IQCH: variants seen among roughly 807,000 people sequenced by gnomAD.
The protein encoded by IQCH is IQ domain-containing protein H.
In IQCH, 98 loss-of-function variants were observed where a neutral mutation model predicts 117.0. That is an observed-to-expected ratio of 0.84 (90% CI 0.71 to 0.99). IQCH has a LOEUF of 0.99. IQCH is among the 50% of genes least tolerant of loss of function. The pLI is 0.00. For missense variants in IQCH, 1,102 were observed against 1,243.8 expected, an observed-to-expected ratio of 0.89 and a Z score of 1.72; for synonymous variants, 412 against 448.2, an observed-to-expected ratio of 0.92 and a Z score of 1.02.
At chr15:67,333,121 A>G (rs1358583856) in intron 4 of IQCH, among the ~76,000 whole-genome samples, 1 of 152,124 alleles carries the variant, frequency 6.6e-6, no homozygotes, top group East Asian at 1.9e-4. Flanking sequence ...ATTCATGACG[A>G]TTCCATCCTC....
intron 4 of IQCH, among the ~76,000 whole-genome samples, chr15:67,291,685 C>T (rs1370979074): frequency 6.6e-6 from 1 of 151,996 alleles, no homozygotes; most frequent in Non-Finnish European, 1.5e-5. Context: ...GGCAAAGGTT[C>T]CTTCAGAAAT....
intron 2 of IQCH, among the ~76,000 whole-genome samples, 158 bp from the exon 3 acceptor site, chr15:67,262,964 G>A (rs889138661): frequency 1.3e-5 from 2 of 152,238 alleles, no homozygotes; most frequent in Admixed American, 6.5e-5. Context: ...AAGTAATTTG[G>A]CCTTGAGATG....
chr15:67,305,213 GTGAAATCAAAAC>G (rs1967238817), intron 4 of IQCH, among the ~76,000 whole-genome samples: 1 of 151,922 alleles, frequency 6.6e-6, no homozygotes, highest in Non-Finnish European at 1.5e-5. Context: ...GTATGCCTTG[GTGAAATCAAAAC>G]TAAAAACAAG....
chr15:67,257,280 C>T (rs1402025365), intron 1 of IQCH, among the ~76,000 whole-genome samples: 1 of 152,228 alleles, frequency 6.6e-6, no homozygotes, highest in African/African-American at 2.4e-5. Context: ...AAGTAGACTT[C>T]CTTTGTTGTT....
chr15:67,452,959 C>T (rs2082568781), intron 16 of IQCH, among the ~76,000 whole-genome samples: 2 of 152,168 alleles, frequency 1.3e-5, no homozygotes, highest in African/African-American at 4.8e-5. Context: ...CCTCTTCTCG[C>T]TTCATTTCAT....
chr15:67,351,620 A>C (rs1969667195), intron 6 of IQCH, among the ~76,000 whole-genome samples: 2 of 152,186 alleles, frequency 1.3e-5, no homozygotes, highest in African/African-American at 4.8e-5. Context: ...TTACATTTCT[A>C]CCTTCAGTGT....
chr15:67,425,338 G>A lies in IQCH; in HGVS notation c.2505+3761G>A, dbSNP rs187058582. ...CATAAAAATTACTATTTCTGGCCAG[G>A]TGCGGTGGCTCACGCCTGTAATCCC... On this transcript the variant is annotated intron_variant, in intron 16 of 20. Transcript: ENST00000335894. The surrounding 1 kb of genome is among the most constrained non-coding windows in gnomAD (Gnocchi z 5.5). Among the ~76,000 whole-genome samples, 2 of 152,248 alleles carry A rather than the reference G, an allele frequency of 1.3e-5. No individual in the cohort carries two copies. Among genetic ancestry groups the A allele is most frequent in the African/African-American group, 4.8e-5 (2 of 41,526 alleles).
In IQCH at chr15:67,458,979, A is replaced by G. The variant is rs2082725454; in HGVS notation, c.2506-6148A>G. Among the ~76,000 whole-genome samples, 1 of 152,210 alleles carries G rather than the reference A, an allele frequency of 6.6e-6. No homozygotes were observed. Among genetic ancestry groups the G allele is most frequent in the Non-Finnish European group, 1.5e-5 (1 of 68,044 alleles). On this transcript the variant is annotated intron_variant, in intron 16 of 20. Transcript: ENST00000335894. The surrounding 1 kb of genome is among the most constrained non-coding windows in gnomAD (Gnocchi z 4.1). ...TTAAAAATTTTCGGCAATATGATAA[A>G]TATACACAATTCCCTGTTAGCCTCA...
chr15:67,318,934 A>G (rs1004908008), intron 4 of IQCH, among the ~76,000 whole-genome samples: 2 of 152,100 alleles, frequency 1.3e-5, no homozygotes, highest in Non-Finnish European at 2.9e-5. Context: ...AAGAAGAAAT[A>G]AAGAAATTAG....
At chr15:67,337,285 A>G (rs1269332221) in intron 5 of IQCH, among the ~76,000 whole-genome samples, 190 bp downstream of exon 5, 2 of 152,176 alleles carry the variant, frequency 1.3e-5, no homozygotes, top group African/African-American at 4.8e-5. Context: ...GACGATCACT[A>G]GAGTCCCTTC....
intron 9 of IQCH, 144 bp downstream of exon 9, chr15:67,372,806 A>G (rs1667749825): frequency 3.1e-6 from 2 of 655,088 alleles, no homozygotes; most frequent in African/African-American, 3.6e-5. Context: ...CACTCCCCTC[A>G]ATGTATGATG....
Position 67,494,466 on chromosome 15 carries a change from A to C in IQCH, c.2970+100A>C. On this transcript the variant is annotated intron_variant, in intron 20 of 20. Transcript: ENST00000335894. This position sits in a 1 kb window ranked among gnomAD's most constrained non-coding sequence, Gnocchi z 5.5. ...ACAAGTGCTAAACCATCTTTTTTTT[A>C]TTGTAAGCAGTACATATTTTACAGT... The C allele has an allele frequency of 1.4e-6, 1 of 739,282 alleles. No homozygotes were observed. The highest frequency in any genetic ancestry group is 2.2e-6 in the Non-Finnish European group (1 of 449,592). The allele number at this position is 739,282 out of a possible 1,614,324, so 45.8% of individuals were successfully genotyped here. A position where few individuals can be genotyped will look rare whatever the true frequency, so the allele number is the denominator to read the frequency against.
intron 3 of IQCH, among the ~76,000 whole-genome samples, chr15:67,271,713 G>A (rs1965905288): frequency 6.6e-6 from 1 of 152,100 alleles, no homozygotes. Context: ...TTGGGATATA[G>A]TTGTTCATAA....
In IQCH at chr15:67,395,530, T is replaced by C. The variant is rs1567152882; in HGVS notation, c.1872T>C (p.Pro624=). Residue 624 remains proline, a synonymous_variant, in exon 13 of 21, where the codon CCT becomes CCC. Coordinates refer to ENST00000335894, the MANE Select transcript of IQCH (RefSeq NM_001031715.3). The surrounding 1 kb of genome is among the most constrained non-coding windows in gnomAD (Gnocchi z 4.0). ...RVFDSANVAV[P]PGIYDIYSQQ... is the part of the protein sequence containing the mutation. ...TTGACAGTGCCAATGTGGCAGTTCC[T>C]CCTGGAATATATGATATTTATAGTC... 1 of 1,613,998 alleles carries C rather than the reference T, an allele frequency of 6.2e-7. No individual in the cohort carries two copies. The highest frequency in any genetic ancestry group is 2.2e-5 in the East Asian group (1 of 44,870).
chr15:67,389,987 GT>G (rs1276608987), intron 12 of IQCH, among the ~76,000 whole-genome samples: 6 of 152,122 alleles, frequency 3.9e-5, no homozygotes, highest in Non-Finnish European at 8.8e-5. Flanking sequence ...TGTTGTCAGG[GT>G]TTATTCTTTT....
rs1484065328 is a variant in IQCH at position 67,372,410 on chromosome 15, T to C, written c.1053T>C (p.His351=). The change falls in exon 9 of 21, where the codon CAT becomes CAC. Residue 351 remains histidine (H), a synonymous_variant. Coordinates refer to ENST00000335894, the MANE Select transcript of IQCH (RefSeq NM_001031715.3). ...TCTCAGTGTTAGAGGACCCAGCTCA[T>C]GTCCAAATGCTGATAAATCTTCCAG... The part of the protein sequence containing the change: ...DLLSVLEDPA[H]VQMLINLPGQ... 6.2e-7 allele frequency: 1 copy of C among 1,614,114 alleles called. No homozygotes were observed. Among genetic ancestry groups the C allele is most frequent in the Non-Finnish European group, 8.5e-7 (1 of 1,179,996 alleles).
chr15:67,276,775 A>C (rs1364207882), intron 3 of IQCH, among the ~76,000 whole-genome samples: 1 of 152,086 alleles, frequency 6.6e-6, no homozygotes, highest in Non-Finnish European at 1.5e-5. Context: ...TCATAGTTTA[A>C]ATATGATATG....
chr15:67,274,908 A>G (rs913234355), intron 3 of IQCH, among the ~76,000 whole-genome samples: 21 of 152,138 alleles, frequency 1.4e-4, no homozygotes, highest in Admixed American at 1.4e-3. Flanking sequence ...TGTCAAATCT[A>G]ATAAAGGATC....
chr15:67,500,448 A>C lies in IQCH; in HGVS notation c.2971-185A>C, dbSNP rs1043942600. ...ATTCTAAAAAGTTTTCCAAATTCTT[A>C]CTCTCAATTTTTTTACTCATTTCAG... On this transcript the variant is annotated intron_variant, in intron 20 of 20. Transcript: ENST00000335894. The surrounding 1 kb of genome is among the most constrained non-coding windows in gnomAD (Gnocchi z 4.4). Among the ~76,000 whole-genome samples the C allele has an allele frequency of 1.3e-5, 2 of 152,138 alleles. No homozygotes were observed. The highest frequency in any genetic ancestry group is 2.9e-5 in the Non-Finnish European group (2 of 68,012).
Sources: gnomAD v4.1 joint callset for allele counts (sites outside exome capture counted in the v4.1 genomes callset) on GRCh38, gnomAD v4.1.1 for gene constraint, Gnocchi (gnomAD v3.1) non-coding constraint, MANE v1.5 for transcripts, NCBI Gene and HGNC (gene_info 2026-07-23, HGNC 2026-07-21) for gene names.